Variants in ARFGAP3 observed in about 807,000 individuals in gnomAD.
ARFGAP3 encodes ADP-ribosylation factor GTPase-activating protein 3.
In ARFGAP3, 72 loss-of-function variants were observed where a neutral mutation model predicts 75.0. The observed-to-expected ratio is 0.96, with a 90% CI of 0.79 to 1.17. The LOEUF (loss-of-function observed/expected upper bound fraction) is 1.17, where lower values mean the gene tolerates loss of function less well. ARFGAP3 is among the 50% of genes most tolerant of loss of function. ARFGAP3 has a pLI of 0.00. For synonymous variants in ARFGAP3, 221 were observed against 217.9 expected, an observed-to-expected ratio of 1.01 and a Z score of -0.13; for missense variants, 620 against 626.6, an observed-to-expected ratio of 0.99 and a Z score of 0.11.
At chr22:42,850,093 G>A (rs935108695) in intron 1 of ARFGAP3, among the ~76,000 whole-genome samples, 3 of 152,100 alleles carry the variant, frequency 2.0e-5, no homozygotes, top group African/African-American at 7.2e-5. Flanking sequence ...CCCAACAGGA[G>A]CATAAAAGTA....
intron 14 of ARFGAP3, among the ~76,000 whole-genome samples, chr22:42,800,503 C>T (rs757383179): frequency 6.6e-6 from 1 of 152,206 alleles, no homozygotes; most frequent in Non-Finnish European, 1.5e-5. Flanking sequence ...CCCACTCCAG[C>T]CTGGGTGACA....
intron 14 of ARFGAP3, among the ~76,000 whole-genome samples, chr22:42,802,665 G>A (rs1242029362): frequency 2.6e-4 from 36 of 140,084 alleles, no homozygotes; most frequent in African/African-American, 5.1e-4. Context: ...GCAGTGGTGC[G>A]ATCTCGGCTC....
intron 14 of ARFGAP3, among the ~76,000 whole-genome samples, chr22:42,804,777 A>G (rs1925046669): frequency 6.6e-6 from 1 of 152,150 alleles, no homozygotes; most frequent in South Asian, 2.1e-4. Flanking sequence ...CGGCCTCCCA[A>G]AGTGTTGGGA....
At chr22:42,811,327 T>G (rs932468107) in intron 11 of ARFGAP3, among the ~76,000 whole-genome samples, 2 of 152,250 alleles carry the variant, frequency 1.3e-5, no homozygotes, top group South Asian at 2.1e-4. Context: ...GTTCAGCCCT[T>G]GAGATCTGGG....
At chr22:42,852,840 C>T (rs575427738) in intron 1 of ARFGAP3, among the ~76,000 whole-genome samples, 2 of 152,310 alleles carry the variant, frequency 1.3e-5, no homozygotes, top group East Asian at 3.9e-4. Flanking sequence ...CCTTGGTTCA[C>T]TGCAACCTCT....
chr22:42,834,012 T>C (rs534898102), intron 5 of ARFGAP3, among the ~76,000 whole-genome samples: 94 of 152,300 alleles, frequency 6.2e-4, no homozygotes, highest in African/African-American at 2.2e-3. Flanking sequence ...AGCAGCTGCT[T>C]TAGACCCTGA....
In ARFGAP3 at chr22:42,810,769, A is replaced by G. The variant is rs57535251; in HGVS notation, c.1196+44T>C. Reference sequence around the variant, plus strand: ...TGTTATCAGCAATTTTTTCCCAGAAATGCATGGATTCACTACTACAACCCC... The same window carrying G: ...TGTTATCAGCAATTTTTTCCCAGAAGTGCATGGATTCACTACTACAACCCC... On this transcript the variant is annotated intron_variant, in intron 12 of 15. Transcript: ENST00000263245. 46 of 1,550,914 alleles carry G rather than the reference A, an allele frequency of 3.0e-5. No individual in the cohort carries two copies. The South Asian group carries it at 4.7e-4, about 16-fold the overall frequency.
At chr22:42,832,520 T>G (rs1332145344) in intron 5 of ARFGAP3, among the ~76,000 whole-genome samples, 4 of 121,132 alleles carry the variant, frequency 3.3e-5, no homozygotes, top group Non-Finnish European at 6.8e-5. Flanking sequence ...GACAGAAGAG[T>G]AAGACTCCAT....
At chr22:42,806,785 A>G (rs1056970482) in intron 14 of ARFGAP3, among the ~76,000 whole-genome samples, 5 of 152,238 alleles carry the variant, frequency 3.3e-5, no homozygotes, top group African/African-American at 1.2e-4. Context: ...AAGATAGCAC[A>G]TGGTATTTCA....
Position 42,827,001 on chromosome 22 carries a change from T to C in ARFGAP3, c.566-2A>G. On this transcript the variant is annotated splice_acceptor_variant, in intron 6 of 15. Transcript: ENST00000263245. LOFTEE classifies it high-confidence loss of function. The stretch of plus-strand genomic sequence containing the variant: ...CACTTGGTCCTTGCTCTTGTCCACC[T>C]GAAAATTCAAAACATTGATATTAGC... The C allele has an allele frequency of 2.5e-6, 4 of 1,613,124 alleles. No individual in the cohort carries two copies. Among genetic ancestry groups the C allele is most frequent in the East Asian group, 4.5e-5 (2 of 44,846 alleles).
At chr22:42,815,405 A>C (rs1331659138) in intron 11 of ARFGAP3, among the ~76,000 whole-genome samples, 2 of 151,126 alleles carry the variant, frequency 1.3e-5, no homozygotes, top group Non-Finnish European at 2.9e-5. Context: ...ACACCACTAA[A>C]CTACTACTTT....
chr22:42,800,594 A>AC (rs1924812884), intron 14 of ARFGAP3, among the ~76,000 whole-genome samples: 1 of 152,204 alleles, frequency 6.6e-6, no homozygotes, highest in Non-Finnish European at 1.5e-5. Context: ...CTGACAAGTT[A>AC]CCCTGCAACG....
At chr22:42,802,144 A>G (rs558877749) in intron 14 of ARFGAP3, among the ~76,000 whole-genome samples, 24 of 152,166 alleles carry the variant, frequency 1.6e-4, no homozygotes, top group African/African-American at 5.5e-4. Flanking sequence ...AGCAGCCAAG[A>G]CTGGAGGCAG....
At chr22:42,848,757 G>T (rs1362148006) in intron 1 of ARFGAP3, among the ~76,000 whole-genome samples, 1 of 152,130 alleles carries the variant, frequency 6.6e-6, no homozygotes, top group Non-Finnish European at 1.5e-5. Flanking sequence ...AGAGGTTGTG[G>T]CAGCCAGACT....
chr22:42,845,408 C>T (rs1353403032), intron 2 of ARFGAP3, among the ~76,000 whole-genome samples: 1 of 151,742 alleles, frequency 6.6e-6, no homozygotes, highest in Non-Finnish European at 1.5e-5. Context: ...GCCTGTAATC[C>T]CAGCTACTTA....
At chr22:42,840,630 T>C (rs1410023100) in intron 3 of ARFGAP3, among the ~76,000 whole-genome samples, 4 of 151,888 alleles carry the variant, frequency 2.6e-5, no homozygotes, top group Non-Finnish European at 4.4e-5. Context: ...GGTTCCACCA[T>C]GTTGGCCAGG....
Position 42,837,854 on chromosome 22 carries a change from AT to A in ARFGAP3, c.262-2362del, listed in dbSNP as rs111624257. The stretch of plus-strand genomic sequence containing the variant: ...CACCACTATGCCTGGCTAATTTAAA[AT>A]TTTTTTTTTGTAGACTTTGTTGTCC... On this transcript the variant is annotated intron_variant, in intron 3 of 15. Coordinates refer to ENST00000263245, the MANE Select transcript of ARFGAP3 (RefSeq NM_014570.5). Among the ~76,000 whole-genome samples the A allele has an allele frequency of 5.2e-3, 767 of 147,500 alleles. 6 individuals are homozygous for A. Among genetic ancestry groups the A allele is most frequent in the African/African-American group, 0.017 (694 of 40,182 alleles).
At chr22:42,798,483 T>C (rs1053752174) in intron 15 of ARFGAP3, among the ~76,000 whole-genome samples, 3 of 151,746 alleles carry the variant, frequency 2.0e-5, no homozygotes, top group African/African-American at 7.3e-5. Flanking sequence ...GCCTCGACTC[T>C]CATGCGCAAG....
chr22:42,833,780 T>C (rs975497682), intron 5 of ARFGAP3, among the ~76,000 whole-genome samples: 2 of 146,186 alleles, frequency 1.4e-5, no homozygotes, highest in Non-Finnish European at 3.0e-5. Context: ...GCTGGGTGTG[T>C]TGGTGCGCAC....
Sources: allele counts gnomAD v4.1 joint callset (sites outside exome capture counted in the v4.1 genomes callset), GRCh38; gene constraint gnomAD v4.1.1; transcripts MANE v1.5; gene names NCBI Gene and HGNC (gene_info 2026-07-23, HGNC 2026-07-21).